LMBRD1: variants seen among roughly 807,000 people sequenced by gnomAD.
The protein encoded by LMBRD1 is lysosomal cobalamin transport escort protein LMBD1.
LMBRD1 carries 64 observed loss-of-function variants against 74.8 expected under a neutral mutation model. The ratio of observed to expected loss-of-function variants is 0.86; its 90% CI spans 0.70 to 1.05. LMBRD1 has a LOEUF of 1.05. LMBRD1 is among the 50% of genes least tolerant of loss of function. LMBRD1 has a pLI of 0.00. For missense variants in LMBRD1, 652 were observed against 645.9 expected (o/e 1.01, Z -0.10); for synonymous variants, 204 against 216.3 (o/e 0.94, Z 0.50).
chr6:69,713,591 T>C lies in LMBRD1; in HGVS notation c.915+54A>G. The C allele has an allele frequency of 2.6e-6, 4 of 1,560,064 alleles. No individual in the cohort carries two copies. The South Asian group carries it at 3.3e-5, about 13-fold the overall frequency. ...AGGAGAGCTCAATCTCTCCAAGAGG[T>C]ACTACATAAACTTGGGGAAGAGTGA... On this transcript the variant is annotated intron_variant, in intron 9 of 15. Coordinates refer to ENST00000649934, the MANE Select transcript of LMBRD1 (RefSeq NM_018368.4).
intron 3 of LMBRD1, among the ~76,000 whole-genome samples, chr6:69,760,327 G>A (rs891636540): frequency 8.5e-5 from 13 of 152,136 alleles, no homozygotes; most frequent in African/African-American, 3.1e-4. Context: ...AAGCAAGCAA[G>A]CCATTTCATA....
At chr6:69,790,975 C>A (rs1020097321) in intron 1 of LMBRD1, among the ~76,000 whole-genome samples, 4 of 152,104 alleles carry the variant, frequency 2.6e-5, no homozygotes, top group African/African-American at 9.7e-5. Context: ...TCACATTATA[C>A]TATAATTTAA....
intron 8 of LMBRD1, among the ~76,000 whole-genome samples, chr6:69,718,501 G>C (rs797014212): frequency 8.2e-4 from 125 of 152,184 alleles, no homozygotes; most frequent in African/African-American, 2.8e-3. Context: ...AGAACTACTC[G>C]AGACTGGGTA....
rs528118836 is a variant in LMBRD1, at chr6:69,697,334, TA to T, written c.1417+228del. Among the ~76,000 whole-genome samples the T allele has an allele frequency of 1.4e-4, 21 of 151,996 alleles. No homozygotes were observed. In the South Asian group the frequency reaches 4.2e-3, roughly 30 times the overall value. On this transcript the variant is annotated intron_variant, in intron 14 of 15. Coordinates refer to ENST00000649934, the MANE Select transcript of LMBRD1 (RefSeq NM_018368.4). ...TTATTATACTAGTAAATGTGATAAA[TA>T]AATAAAATAAATAAAAAATTACTTC...
intron 6 of LMBRD1, among the ~76,000 whole-genome samples, chr6:69,738,355 T>G (rs1208660248): frequency 6.6e-6 from 1 of 152,138 alleles, no homozygotes; most frequent in Non-Finnish European, 1.5e-5. Context: ...ATGGCCTTTC[T>G]CAATGGCAGA....
intron 14 of LMBRD1, among the ~76,000 whole-genome samples, chr6:69,680,913 T>C (rs892994132): frequency 1.3e-5 from 2 of 152,066 alleles, no homozygotes; most frequent in Non-Finnish European, 2.9e-5. Context: ...CTAGGAGATA[T>C]ATAGATTTCT....
intron 1 of LMBRD1, among the ~76,000 whole-genome samples, chr6:69,794,675 C>G (rs1440301654): frequency 6.6e-6 from 1 of 152,192 alleles, no homozygotes; most frequent in African/African-American, 2.4e-5. Context: ...CTTACATCCA[C>G]AAGTATGAGC....
At chr6:69,753,523 A>T (rs1765207940) in intron 3 of LMBRD1, among the ~76,000 whole-genome samples, 1 of 152,236 alleles carries the variant, frequency 6.6e-6, no homozygotes, top group Non-Finnish European at 1.5e-5. Context: ...GGAAAACAGT[A>T]CGATGTTTCC....
At chr6:69,708,027 T>C (rs1003850711) in intron 9 of LMBRD1, among the ~76,000 whole-genome samples, 17 of 152,220 alleles carry the variant, frequency 1.1e-4, no homozygotes, top group African/African-American at 3.6e-4. Context: ...ATTACAAACA[T>C]AAATTTATAA....
At chr6:69,746,027 T>C (rs978850661) in intron 5 of LMBRD1, 10 of 216,104 alleles carry the variant, frequency 4.6e-5, no homozygotes, top group Non-Finnish European at 9.8e-5. Flanking sequence ...ATTCCACCCA[T>C]GGCAAGTTCT....
At chr6:69,738,989 G>A (rs943777021) in intron 6 of LMBRD1, among the ~76,000 whole-genome samples, 8 of 151,884 alleles carry the variant, frequency 5.3e-5, no homozygotes, top group African/African-American at 7.3e-5. Flanking sequence ...TCACAATCAC[G>A]CAAGGCAAAT....
At chr6:69,685,743 G>A (rs1946621872) in intron 14 of LMBRD1, among the ~76,000 whole-genome samples, 1 of 152,200 alleles carries the variant, frequency 6.6e-6, no homozygotes, top group South Asian at 2.1e-4. Flanking sequence ...AGAGGCTGCA[G>A]TGAGCCGAGA....
intron 14 of LMBRD1, among the ~76,000 whole-genome samples, chr6:69,679,565 T>C (rs1345824297): frequency 2.6e-5 from 4 of 152,138 alleles, no homozygotes; most frequent in African/African-American, 9.7e-5. Context: ...ATTAATTAAA[T>C]AGCCCATTTT....
At chr6:69,766,207 T>C (rs1442048122) in intron 3 of LMBRD1, among the ~76,000 whole-genome samples, 1 of 152,010 alleles carries the variant, frequency 6.6e-6, no homozygotes, top group Admixed American at 6.6e-5. Flanking sequence ...CAATGTTAAA[T>C]AGCAGTGTTG....
chr6:69,754,605 T>C (rs1765231440), intron 3 of LMBRD1, among the ~76,000 whole-genome samples: 1 of 152,222 alleles, frequency 6.6e-6, no homozygotes, highest in Non-Finnish European at 1.5e-5. Context: ...GAGCAACTAA[T>C]AGTGACAATA....
rs1765527417 is a variant in LMBRD1 at position 69,675,530 on chromosome 6, C to T, written c.*628G>A. Among the ~76,000 whole-genome samples the T allele has an allele frequency of 6.6e-6, 1 of 152,040 alleles. No homozygotes were observed. Among genetic ancestry groups the T allele is most frequent in the Admixed American group, 6.6e-5 (1 of 15,242 alleles). Reference sequence around the variant, plus strand: ...GATGCAAAACAAAAGCTACCTATAACAATATGTATGCCTTAAATACTGTAG... The same window carrying T: ...GATGCAAAACAAAAGCTACCTATAATAATATGTATGCCTTAAATACTGTAG... On this transcript the variant is annotated 3_prime_UTR_variant, in exon 16 of 16. Transcript: ENST00000649934.
chr6:69,684,573 C>T (rs1765724641), intron 14 of LMBRD1, among the ~76,000 whole-genome samples: 1 of 151,928 alleles, frequency 6.6e-6, no homozygotes. Context: ...GAATACTTTT[C>T]AGATATATAA....
At chr6:69,734,397 ATTTT>A (rs66556444) in intron 7 of LMBRD1, among the ~76,000 whole-genome samples, 1 of 144,204 alleles carries the variant, frequency 6.9e-6, no homozygotes, top group Admixed American at 6.9e-5. Flanking sequence ...AACAAAACCA[ATTTT>A]TTTTTTTTTT....
rs1765176011 is a variant in LMBRD1 at position 69,752,337 on chromosome 6, C to T, written c.327G>A (p.Leu109=). The change falls in exon 4 of 16, where the codon TTG becomes TTA. Residue 109 remains leucine (L), a synonymous_variant. Coordinates refer to ENST00000649934, the MANE Select transcript of LMBRD1 (RefSeq NM_018368.4). ...YGYYTLYSVI[L]FCVFFWIPFV... ...AAGGGATCCAGAAGAACACACAGAA[C>T]AATATAACAGAATATAAAGCTGTGG... 16 of 1,609,134 alleles carry T rather than the reference C, an allele frequency of 9.9e-6. No individual in the cohort carries two copies. The highest frequency in any genetic ancestry group is 1.4e-5 in the Non-Finnish European group (16 of 1,176,116).
Sources: gnomAD v4.1 joint callset for allele counts (sites outside exome capture counted in the v4.1 genomes callset) on GRCh38, gnomAD v4.1.1 for gene constraint, MANE v1.5 for transcripts, NCBI Gene and HGNC (gene_info 2026-07-23, HGNC 2026-07-21) for gene names.